Variants in RPS6KC1 observed in about 807,000 individuals in gnomAD.
The protein encoded by RPS6KC1 is ribosomal protein S6 kinase C1.
In RPS6KC1, 54 loss-of-function variants were observed where a neutral mutation model predicts 103.8. The ratio of observed to expected loss-of-function variants is 0.52; its 90% CI spans 0.42 to 0.65. The LOEUF is 0.65. RPS6KC1 is among the 30% of genes least tolerant of loss of function. The pLI is 0.00. For missense variants in RPS6KC1, 1,151 were observed against 1,253.8 expected (o/e 0.92, Z 1.24); for synonymous variants, 439 against 438.7 (o/e 1.00, Z -0.01).
the RPS6KC1 span, among the ~76,000 whole-genome samples, chr1:213,291,531 A>G: frequency 6.6e-6 from 1 of 152,218 alleles, no homozygotes; most frequent in Non-Finnish European, 1.5e-5. Context: ...AAGTTGACTA[A>G]TTAATTGACC....
chr1:213,068,885 G>A (rs1376611465), intron 1 of RPS6KC1, among the ~76,000 whole-genome samples: 1 of 147,882 alleles, frequency 6.8e-6, no homozygotes, highest in African/African-American at 2.5e-5. Context: ...GTGTGTGTGT[G>A]TGTGTGTGTG....
the RPS6KC1 span, among the ~76,000 whole-genome samples, chr1:213,611,348 G>A: frequency 6.6e-6 from 1 of 151,936 alleles, no homozygotes; most frequent in Non-Finnish European, 1.5e-5. Context: ...TGTTTTTCTC[G>A]GCTCACCCAT....
rs533819973 is a variant in RPS6KC1 at position 213,104,164 on chromosome 1, C to A, written c.263-290C>A. 2.0e-5 allele frequency among the ~76,000 whole-genome samples: 3 copies of A among 152,322 alleles called. No individual in the cohort carries two copies. In the South Asian group the frequency reaches 6.2e-4, roughly 32 times the overall value. ...TCTTTTCATCTTTAGTTTCGAATCA[C>A]CAGCTTCTTAAATGTCAACTTTCTT... On this transcript the variant is annotated intron_variant, in intron 3 of 14. Transcript: ENST00000366960.
intron 4 of RPS6KC1, 22 bp from the exon 5 acceptor site, chr1:213,117,295 A>G: frequency 7.1e-7 from 1 of 1,406,708 alleles, no homozygotes; most frequent in Non-Finnish European, 1.0e-6. Context: ...CTAATGAAAC[A>G]CAATTGCTCT....
chr1:213,399,470 A>G, the RPS6KC1 span, among the ~76,000 whole-genome samples: 1 of 152,058 alleles, frequency 6.6e-6, no homozygotes. Flanking sequence ...TTCCTTACCT[A>G]CCACGGATGG....
chr1:213,358,274 TG>T, the RPS6KC1 span, among the ~76,000 whole-genome samples: 3 of 152,206 alleles, frequency 2.0e-5, no homozygotes, highest in Non-Finnish European at 2.9e-5. Context: ...TGGACTTTTT[TG>T]GTTGGTAAGC....
At chr1:213,761,001 A>G in the RPS6KC1 span, among the ~76,000 whole-genome samples, 38 of 151,988 alleles carry the variant, frequency 2.5e-4, 1 homozygote, top group Admixed American at 2.3e-3. Context: ...GTCACAAAGC[A>G]TGGAACAAAA....
At chr1:213,707,619 T>G in the RPS6KC1 span, among the ~76,000 whole-genome samples, 2 of 152,254 alleles carry the variant, frequency 1.3e-5, no homozygotes, top group East Asian at 3.8e-4. Context: ...TCTTTGCCCA[T>G]GCTATGTCCT....
chr1:213,090,108 A>T (rs2080827150), intron 3 of RPS6KC1, among the ~76,000 whole-genome samples: 1 of 152,206 alleles, frequency 6.6e-6, no homozygotes, highest in Non-Finnish European at 1.5e-5. Context: ...CAGAGTTGAG[A>T]AAGAGAACTG....
At chr1:213,844,158 C>G in the RPS6KC1 span, among the ~76,000 whole-genome samples, 175 of 152,276 alleles carry the variant, frequency 1.1e-3, no homozygotes, top group African/African-American at 4.0e-3. Context: ...AACATCAAGA[C>G]AAGTCTCAAG....
At chr1:213,536,112 A>C in the RPS6KC1 span, among the ~76,000 whole-genome samples, 1 of 152,174 alleles carries the variant, frequency 6.6e-6, no homozygotes, top group East Asian at 1.9e-4. Context: ...ATGTACGATG[A>C]AGCCAAAGAA....
At chr1:213,365,987 G>A in the RPS6KC1 span, among the ~76,000 whole-genome samples, 3 of 152,230 alleles carry the variant, frequency 2.0e-5, no homozygotes, top group African/African-American at 7.2e-5. Flanking sequence ...CTAGAGCCTT[G>A]GTCTCAAAGG....
At chr1:213,281,717 T>C in the RPS6KC1 span, among the ~76,000 whole-genome samples, 1 of 152,186 alleles carries the variant, frequency 6.6e-6, no homozygotes, top group Non-Finnish European at 1.5e-5. Flanking sequence ...ATCTCCACTG[T>C]GGGCTATCAT....
the RPS6KC1 span, among the ~76,000 whole-genome samples, chr1:213,348,926 T>A: frequency 2.6e-5 from 4 of 152,192 alleles, no homozygotes; most frequent in Non-Finnish European, 5.9e-5. Flanking sequence ...ATTGAATGAA[T>A]GGGTGAATGG....
the RPS6KC1 span, among the ~76,000 whole-genome samples, chr1:213,607,964 G>T: frequency 3.5e-4 from 53 of 152,170 alleles, no homozygotes; most frequent in African/African-American, 1.3e-3. Context: ...TTTGCTGACA[G>T]GAGAACGCTG....
chr1:213,695,649 G>A, the RPS6KC1 span, among the ~76,000 whole-genome samples: 1 of 152,218 alleles, frequency 6.6e-6, no homozygotes, highest in Non-Finnish European at 1.5e-5. Context: ...AGGACTTATA[G>A]GATCACAGGT....
chr1:213,393,405 C>G, the RPS6KC1 span, among the ~76,000 whole-genome samples: 2 of 152,144 alleles, frequency 1.3e-5, no homozygotes, highest in African/African-American at 4.8e-5. Flanking sequence ...TGTGTCTTTT[C>G]TCCCTTCACT....
the RPS6KC1 span, among the ~76,000 whole-genome samples, chr1:213,614,785 G>A: frequency 6.6e-6 from 1 of 152,322 alleles, no homozygotes; most frequent in Admixed American, 6.5e-5. Context: ...ACAAGACTGG[G>A]CTCTTTCAGC....
chr1:213,457,301 G>A, the RPS6KC1 span, among the ~76,000 whole-genome samples: 1 of 152,208 alleles, frequency 6.6e-6, no homozygotes, highest in African/African-American at 2.4e-5. Context: ...AGGACCTTGA[G>A]CCAGCTGGCT....
Sources: allele counts gnomAD v4.1 joint callset (sites outside exome capture counted in the v4.1 genomes callset), GRCh38; gene constraint gnomAD v4.1.1; transcripts MANE v1.5; gene names NCBI Gene and HGNC (gene_info 2026-07-23, HGNC 2026-07-21).